The following USH2A variants were observed in gnomAD, a reference collection of about 807,000 sequenced individuals.
The protein encoded by USH2A is usherin, also known as Usher syndrome 2A (autosomal recessive, mild).
A neutral mutation model predicts 538.9 loss-of-function variants in USH2A; 443 were observed. The observed-to-expected ratio is 0.82, with a 90% CI of 0.76 to 0.89. USH2A has a LOEUF of 0.89. Ranked by LOEUF, USH2A falls within the 40% of genes least tolerant of loss-of-function variation. The pLI is 0.00. For missense variants in USH2A, 6,633 were observed against 6,324.8 expected (o/e 1.05, Z -1.65); for synonymous variants, 2,413 against 2,273.5 (o/e 1.06, Z -1.75).
chr1:216,122,508 C>A (rs2033157908), intron 21 of USH2A, among the ~76,000 whole-genome samples: 1 of 152,128 alleles, frequency 6.6e-6, no homozygotes, highest in African/African-American at 2.4e-5. Context: ...GAGGGTGCAG[C>A]CTGGTAACAG....
At chr1:216,162,965 C>T (rs1448867916) in intron 21 of USH2A, among the ~76,000 whole-genome samples, 2 of 151,976 alleles carry the variant, frequency 1.3e-5, no homozygotes, top group African/African-American at 4.8e-5. Flanking sequence ...GGAACCTACC[C>T]TCCAAATCTA....
rs1572088684 is a variant in USH2A at position 216,246,979 on chromosome 1, C to G, written c.2415G>C (p.Gly805=). Reference sequence around the variant, plus strand: ...GCCCTGTCTTAGCATTACAGACAGTCCCAGGGAGGGATCCAGCTGTGTCAC... The same window carrying G: ...GCCCTGTCTTAGCATTACAGACAGTGCCAGGGAGGGATCCAGCTGTGTCAC... ...CDCDTAGSLP[G]TVCNAKTGQC... Residue 805 remains glycine (G), a synonymous_variant, in exon 13 of 72, where the codon GGG becomes GGC. Coordinates refer to ENST00000307340, the MANE Select transcript of USH2A (RefSeq NM_206933.4). 6.2e-7 allele frequency: 1 copy of G among 1,614,054 alleles called. No homozygotes were observed. Among genetic ancestry groups the G allele is most frequent in the African/African-American group, 1.3e-5 (1 of 75,038 alleles).
chr1:215,923,872 T>A (rs936151028), intron 38 of USH2A, among the ~76,000 whole-genome samples: 4 of 151,890 alleles, frequency 2.6e-5, no homozygotes, highest in Admixed American at 1.3e-4. Context: ...CCCACTCATT[T>A]TTTTTTTCAT....
At chr1:216,085,458 G>GA (rs781267821) in intron 24 of USH2A, among the ~76,000 whole-genome samples, 48 of 150,968 alleles carry the variant, frequency 3.2e-4, no homozygotes, top group Middle Eastern at 3.4e-3. Context: ...GAAAAAGCAA[G>GA]AAAAAAAAAT....
At chr1:215,722,003 T>G (rs1157356990) in intron 61 of USH2A, among the ~76,000 whole-genome samples, 1 of 150,936 alleles carries the variant, frequency 6.6e-6, no homozygotes, top group Non-Finnish European at 1.5e-5. Context: ...ACATCAAGGC[T>G]GCAGTGAGCT....
At chr1:216,282,050 G>GTTA (rs2036793336) in intron 11 of USH2A, among the ~76,000 whole-genome samples, 1 of 151,810 alleles carries the variant, frequency 6.6e-6, no homozygotes, top group Non-Finnish European at 1.5e-5. Context: ...TTAAAATTGA[G>GTTA]TTATTTGTCT....
chr1:215,818,155 A>T (rs572799515), intron 47 of USH2A, among the ~76,000 whole-genome samples: 1 of 152,080 alleles, frequency 6.6e-6, no homozygotes, highest in Admixed American at 6.6e-5. Flanking sequence ...GGTCAACAGT[A>T]GGCTATTAGT....
chr1:216,396,429 G>C (rs1468258368), intron 3 of USH2A, among the ~76,000 whole-genome samples: 2 of 152,118 alleles, frequency 1.3e-5, no homozygotes, highest in African/African-American at 4.8e-5. Context: ...AGTTACACTA[G>C]TGTTAATGAT....
chr1:216,417,243 C>T (rs1180653983), intron 3 of USH2A, among the ~76,000 whole-genome samples: 1 of 149,272 alleles, frequency 6.7e-6, no homozygotes, highest in African/African-American at 2.5e-5. Context: ...TGAGGACGCA[C>T]ACTCATTATC....
intron 21 of USH2A, among the ~76,000 whole-genome samples, chr1:216,169,347 G>T (rs1558295700): frequency 6.6e-6 from 1 of 152,022 alleles, no homozygotes; most frequent in Non-Finnish European, 1.5e-5. Flanking sequence ...CAAAAAAAAG[G>T]GAGACTTACA....
rs1023854988 is a variant in USH2A at position 216,011,681 on chromosome 1, A to G, written c.6326-11119T>C. On this transcript the variant is annotated intron_variant, in intron 32 of 71. Coordinates refer to ENST00000307340, the MANE Select transcript of USH2A (RefSeq NM_206933.4). ...AGCCCTAATACTTTAGAGGCCCTCA[A>G]AATCACAAACTATGCTCAACTTACT... 2.6e-5 allele frequency among the ~76,000 whole-genome samples: 4 copies of G among 151,932 alleles called. 1 individual carries two copies. Among genetic ancestry groups the G allele is most frequent in the African/African-American group, 9.7e-5 (4 of 41,274 alleles).
intron 64 of USH2A, among the ~76,000 whole-genome samples, chr1:215,669,807 G>A (rs1430462214): frequency 6.6e-6 from 1 of 152,034 alleles, no homozygotes; most frequent in Non-Finnish European, 1.5e-5. Context: ...ATACATTATT[G>A]TCCTAAAATA....
In USH2A at chr1:215,888,773, C is replaced by G; in HGVS notation, c.7876G>C (p.Gly2626Arg). The G allele has an allele frequency of 1.2e-6, 2 of 1,614,110 alleles. No individual in the cohort carries two copies. The highest frequency in any genetic ancestry group is 2.7e-5 in the African/African-American group (2 of 75,020). ...TVWTLPGAPE[G>R]IPSPELFSDT... ...GAGAACAGCTCTGGACTTGGGATCC[C>G]TTCCGGTGCCCCTGGGAGTGTCCAT... The change falls in exon 41 of 72, where the codon GGG becomes CGG. Residue 2626 changes from glycine to arginine, a missense_variant. Gly to Arg is a moderately radical substitution (Grantham distance 125). Coordinates refer to ENST00000307340, the MANE Select transcript of USH2A (RefSeq NM_206933.4).
chr1:216,393,685 C>T (rs1250993498), intron 3 of USH2A, among the ~76,000 whole-genome samples: 1 of 152,122 alleles, frequency 6.6e-6, no homozygotes, highest in African/African-American at 2.4e-5. Flanking sequence ...CACTCAGTCA[C>T]GTTCAGCCTA....
intron 30 of USH2A, among the ~76,000 whole-genome samples, chr1:216,055,711 A>G (rs12067972): frequency 0.16 from 24,031 of 152,104 alleles, 2,538 homozygotes; most frequent in African/African-American, 0.3. Context: ...GGAGGGTGGG[A>G]TTTGTTATTG....
chr1:216,102,595 C>T (rs911241460), intron 21 of USH2A, among the ~76,000 whole-genome samples: 18 of 151,840 alleles, frequency 1.2e-4, no homozygotes, highest in African/African-American at 4.1e-4. Flanking sequence ...GTCAGGAGAC[C>T]GAGACCATCC....
In USH2A at chr1:215,977,264, T is replaced by G. The variant is rs7519164; in HGVS notation, c.6806-6488A>C. Among the ~76,000 whole-genome samples, 1,287 of 152,242 alleles carry G rather than the reference T, an allele frequency of 8.5e-3. 23 individuals are homozygous for G. The highest frequency in any genetic ancestry group is 0.029 in the African/African-American group (1,204 of 41,544). The stretch of plus-strand genomic sequence containing the variant: ...GTTTAGTTTGTTCTTCTAGGTGAGA[T>G]GTTAGTTTGTTAAACTGAGATCTTT... On this transcript the variant is annotated intron_variant, in intron 35 of 71. Transcript: ENST00000307340.
chr1:216,080,634 A>C (rs1305010289), intron 26 of USH2A, among the ~76,000 whole-genome samples: 1 of 151,986 alleles, frequency 6.6e-6, no homozygotes, highest in Non-Finnish European at 1.5e-5. Context: ...AAGAAAAAAC[A>C]CTAAGGAAAA....
At chr1:215,903,336 A>G (rs888992842) in intron 38 of USH2A, among the ~76,000 whole-genome samples, 1 of 152,128 alleles carries the variant, frequency 6.6e-6, no homozygotes, top group Non-Finnish European at 1.5e-5. Flanking sequence ...GGGCAGATAC[A>G]GTGAGCTTAG....
Sources: gnomAD v4.1 joint callset for allele counts (sites outside exome capture counted in the v4.1 genomes callset) on GRCh38, gnomAD v4.1.1 for gene constraint, MANE v1.5 for transcripts, NCBI Gene and HGNC (gene_info 2026-07-23, HGNC 2026-07-21) for gene names.